Variants in GTF2H3 observed in about 807,000 individuals in gnomAD.
The protein encoded by GTF2H3 is general transcription factor IIH subunit 3, also known as TFIIH basal transcription factor complex p34 subunit.
GTF2H3 carries 42 observed loss-of-function variants against 51.1 expected under a neutral mutation model. That is an observed-to-expected ratio of 0.82 (90% CI 0.64 to 1.06). The LOEUF (loss-of-function observed/expected upper bound fraction) is 1.06, where lower values mean the gene tolerates loss of function less well. Ranked by LOEUF, GTF2H3 falls within the 50% of genes least tolerant of loss-of-function variation. GTF2H3 has a pLI of 0.00. For missense variants in GTF2H3, 326 were observed against 366.1 expected, an observed-to-expected ratio of 0.89 and a Z score of 0.89; for synonymous variants, 123 against 123.8, an observed-to-expected ratio of 0.99 and a Z score of 0.04.
rs1292544688 is a variant in GTF2H3 at position 123,645,529 on chromosome 12, A to T, written c.168A>T (p.Lys56Asn). 31 of 1,603,984 alleles carry T rather than the reference A, an allele frequency of 1.9e-5. No individual in the cohort carries two copies. Among genetic ancestry groups the T allele is most frequent in the Non-Finnish European group, 2.6e-5 (30 of 1,170,984 alleles). Residue 56 changes from lysine to asparagine, a missense_variant, in exon 3 of 13, where the codon AAA becomes AAT. Physicochemically the swap from Lys to Asn is moderately conservative, Grantham distance 94 (BLOSUM62 0). Coordinates refer to ENST00000543341, the MANE Select transcript of GTF2H3 (RefSeq NM_001516.5). ...ATTTATTCATGAATCGTTCCAACAA[A>T]CTTGCTGTGATAGCAAGTCACATTC... ...NSHLFMNRSN[K>N]LAVIASHIQE...
At chr12:123,634,251 G>A (rs997046435) in intron 1 of GTF2H3, among the ~76,000 whole-genome samples, 1 of 152,106 alleles carries the variant, frequency 6.6e-6, no homozygotes, top group Admixed American at 6.5e-5. Context: ...GACCTGCCTG[G>A]GCAACACAGC....
chr12:123,642,487 A>ACAATCTCT (rs1955391465), intron 2 of GTF2H3, among the ~76,000 whole-genome samples: 1 of 152,126 alleles, frequency 6.6e-6, no homozygotes, highest in Admixed American at 6.6e-5. Context: ...CTTACTTGTG[A>ACAATCTCT]TTCTATTTCC....
At chr12:123,640,644 G>A (rs1955357446) in intron 2 of GTF2H3, among the ~76,000 whole-genome samples, 1 of 152,018 alleles carries the variant, frequency 6.6e-6, no homozygotes, top group African/African-American at 2.4e-5. Context: ...GGCCTTGTCT[G>A]TTCTTTTTAA....
chr12:123,639,975 C>G (rs1955345072), intron 2 of GTF2H3: 1 of 455,876 alleles, frequency 2.2e-6, no homozygotes, highest in Non-Finnish European at 4.4e-6. Context: ...TCTCATGCCT[C>G]AGCCTCCCGA....
chr12:123,651,451 T>G (rs974858239), intron 5 of GTF2H3, among the ~76,000 whole-genome samples: 6 of 152,068 alleles, frequency 3.9e-5, no homozygotes, highest in African/African-American at 1.4e-4. Context: ...CTTCAAGTGA[T>G]CCACCCACCT....
chr12:123,655,864 A>C (rs1456694397), intron 9 of GTF2H3, 40 bp downstream of exon 9: 3 of 1,307,144 alleles, frequency 2.3e-6, no homozygotes, highest in Non-Finnish European at 3.3e-6. Context: ...TGGTTATGAC[A>C]ATTAGTGATT....
In GTF2H3 at chr12:123,648,066, G is replaced by A. The variant is rs778084086; in HGVS notation, c.304G>A (p.Glu102Lys). The A allele has an allele frequency of 2.5e-6, 4 of 1,611,854 alleles. No homozygotes were observed. The highest frequency in any genetic ancestry group is 1.7e-6 in the Non-Finnish European group (2 of 1,178,248). ...CTCTGGGAGTAAAGATGGAAAATAC[G>A]AACTTTTAACCTCAGCAAATGAAGT... is the stretch of plus-strand genomic sequence containing the variant. Reference protein sequence around the residue: ...NPSGSKDGKYELLTSANEVIV... With the variant: ...NPSGSKDGKYKLLTSANEVIV... The change falls in exon 4 of 13, where the codon GAA (glutamate) becomes AAA (lysine). Residue 102 changes from glutamate (E) to lysine (K), a missense_variant. Coordinates refer to ENST00000543341, the MANE Select transcript of GTF2H3 (RefSeq NM_001516.5).
intron 2 of GTF2H3, among the ~76,000 whole-genome samples, chr12:123,645,022 T>C (rs1414010143): frequency 6.6e-6 from 1 of 152,176 alleles, no homozygotes; most frequent in Non-Finnish European, 1.5e-5. Flanking sequence ...GGAGGGGAGC[T>C]CCTGAGCAAA....
At chr12:123,654,409 G>A (rs1365220647) in intron 7 of GTF2H3, among the ~76,000 whole-genome samples, 1 of 150,828 alleles carries the variant, frequency 6.6e-6, no homozygotes, top group African/African-American at 2.4e-5. Flanking sequence ...TATTTTGGGT[G>A]TACTTACCTG....
intron 9 of GTF2H3, among the ~76,000 whole-genome samples, chr12:123,657,011 C>T (rs938011716): frequency 2.0e-5 from 3 of 151,994 alleles, no homozygotes; most frequent in African/African-American, 7.2e-5. Context: ...TTGCTTGAGC[C>T]AGGAGTTCGA....
Position 123,652,693 on chromosome 12 carries a change from T to C in GTF2H3, c.458-14T>C, listed in dbSNP as rs1294034784. On this transcript the variant is annotated splice_polypyrimidine_tract_variant and intron_variant, in intron 6 of 12. Coordinates refer to ENST00000543341, the MANE Select transcript of GTF2H3 (RefSeq NM_001516.5). ...GATTTAGTTAAATTTTTTTCTGCTT[T>C]TTTCTCTTTGTAGACAATCAGGAAA... 6.5e-7 allele frequency: 1 copy of C among 1,536,868 alleles called. No homozygotes were observed. Among genetic ancestry groups the C allele is most frequent in the South Asian group, 1.2e-5 (1 of 83,494 alleles).
At chr12:123,659,365 A>G in intron 9 of GTF2H3, 151 bp from the exon 10 acceptor site, 1 of 671,216 alleles carries the variant, frequency 1.5e-6, no homozygotes, top group East Asian at 2.9e-5. Flanking sequence ...AGACTCTGTC[A>G]AAATATAAAA....
At chr12:123,644,659 C>T (rs1294218525) in intron 2 of GTF2H3, among the ~76,000 whole-genome samples, 2 of 148,394 alleles carry the variant, frequency 1.3e-5, no homozygotes, top group Admixed American at 6.7e-5. Flanking sequence ...AGTGAGACTC[C>T]ATCTCAAAAA....
rs973079994 is a variant in GTF2H3, at chr12:123,654,476, ATGTGTATTTGGGGTG to A, written c.487-433_487-419del. On this transcript the variant is annotated intron_variant, in intron 7 of 12. Transcript: ENST00000543341. ...TTGTATATGTGTGTGTTTTGGGTGT[ATGTGTATTTGGGGTG>A]TGTGTATTTGGGGTATGGGTGTATT... Among the ~76,000 whole-genome samples the A allele has an allele frequency of 9.5e-5, 13 of 136,910 alleles. No homozygotes were observed. In the South Asian group the frequency reaches 1.4e-3, roughly 15 times the overall value. The allele number at this position is 136,910 out of a possible 152,430, so 89.8% of individuals were successfully genotyped here.
intron 2 of GTF2H3, among the ~76,000 whole-genome samples, chr12:123,641,488 A>C (rs533273191): frequency 1.3e-5 from 2 of 150,552 alleles, no homozygotes; most frequent in Non-Finnish European, 2.9e-5. Flanking sequence ...GACCTCCCAA[A>C]GTGCTGGGGT....
In GTF2H3 at chr12:123,652,700, T is replaced by C; in HGVS notation, c.458-7T>C. 1 of 1,530,176 alleles carries C rather than the reference T, an allele frequency of 6.5e-7. No homozygotes were observed. The highest frequency in any genetic ancestry group is 1.2e-5 in the South Asian group (1 of 83,024). The allele number at this position is 1,530,176 out of a possible 1,614,324, so 94.8% of individuals were successfully genotyped here. On this transcript the variant is annotated splice_polypyrimidine_tract_variant and splice_region_variant and intron_variant, in intron 6 of 12. Coordinates refer to ENST00000543341, the MANE Select transcript of GTF2H3 (RefSeq NM_001516.5). ...TTAAATTTTTTTCTGCTTTTTTCTCTTTGTAGACAATCAGGAAATGAAATC... is the reference window on the plus strand; with the variant it reads ...TTAAATTTTTTTCTGCTTTTTTCTCCTTGTAGACAATCAGGAAATGAAATC...
At chr12:123,649,279 T>C (rs187076774) in intron 4 of GTF2H3, 314 of 152,456 alleles carry the variant, frequency 2.1e-3, no homozygotes, top group Middle Eastern at 6.8e-3. Flanking sequence ...CCATCCCTTA[T>C]TGTCATCTTG....
In GTF2H3 at chr12:123,645,071, T is replaced by C. The variant is rs147273124; in HGVS notation, c.94-384T>C. On this transcript the variant is annotated intron_variant, in intron 2 of 12. Coordinates refer to ENST00000543341, the MANE Select transcript of GTF2H3 (RefSeq NM_001516.5). Reference sequence around the variant, plus strand: ...ATAATTGTCTAAAATTTAAATGAAGTCTTTTTTTTGTTTGTTTGTTACAGG... The same window carrying C: ...ATAATTGTCTAAAATTTAAATGAAGCCTTTTTTTTGTTTGTTTGTTACAGG... Among the ~76,000 whole-genome samples the C allele has an allele frequency of 1.1e-4, 17 of 152,314 alleles. No individual in the cohort carries two copies. In the East Asian group the frequency reaches 3.1e-3, roughly 28 times the overall value.
At chr12:123,638,755 A>G (rs148720312) in intron 1 of GTF2H3, among the ~76,000 whole-genome samples, 58 of 150,720 alleles carry the variant, frequency 3.8e-4, no homozygotes, top group African/African-American at 1.4e-3. Context: ...TTCAGGACGT[A>G]GACAAGAACT....
Sources: gnomAD v4.1 joint callset for allele counts (sites outside exome capture counted in the v4.1 genomes callset) on GRCh38, gnomAD v4.1.1 for gene constraint, MANE v1.5 for transcripts, NCBI Gene and HGNC (gene_info 2026-07-23, HGNC 2026-07-21) for gene names.